NTN4: variants seen among roughly 807,000 people sequenced by gnomAD.
The protein encoded by NTN4 is netrin-4.
A neutral mutation model predicts 73.6 loss-of-function variants in NTN4; 32 were observed. The observed-to-expected ratio is 0.44, with a 90% CI of 0.33 to 0.58. NTN4 has a LOEUF of 0.58. NTN4 is among the 20% of genes least tolerant of loss of function. The pLI is 0.04. For missense variants in NTN4, 654 were observed against 798.3 expected (o/e 0.82, Z 2.18); for synonymous variants, 258 against 287.5 (o/e 0.90, Z 1.04).
chr12:95,778,044 C>T (rs1312145885), intron 2 of NTN4, among the ~76,000 whole-genome samples: 2 of 152,136 alleles, frequency 1.3e-5, no homozygotes, highest in Non-Finnish European at 2.9e-5. Flanking sequence ...AACTGAACAA[C>T]CTGTTCCTGA....
intron 1 of NTN4, among the ~76,000 whole-genome samples, chr12:95,788,276 G>A (rs1343016611): frequency 6.6e-6 from 1 of 152,206 alleles, no homozygotes; most frequent in Non-Finnish European, 1.5e-5. Flanking sequence ...ACAGGAGAGT[G>A]TCTACAGTCT....
chr12:95,752,877 T>C (rs1448232524), intron 2 of NTN4, among the ~76,000 whole-genome samples: 1 of 152,236 alleles, frequency 6.6e-6, no homozygotes, highest in Non-Finnish European at 1.5e-5. Context: ...CAACTCACTC[T>C]CTACATTTCT....
chr12:95,773,787 CTTTA>C (rs2079073598), intron 2 of NTN4, among the ~76,000 whole-genome samples: 1 of 152,136 alleles, frequency 6.6e-6, no homozygotes, highest in African/African-American at 2.4e-5. Flanking sequence ...TACTTATTTA[CTTTA>C]TTTAGCACCT....
chr12:95,741,471 A>ATATC (rs1375511773), intron 2 of NTN4, among the ~76,000 whole-genome samples: 54 of 99,830 alleles, frequency 5.4e-4, no homozygotes, highest in Non-Finnish European at 3.7e-4. Context: ...ATATATATAT[A>ATATC]TATCTCCTCC....
chr12:95,713,467 T>C (rs191578498), intron 3 of NTN4, 129 bp from the exon 4 acceptor site: 1 of 1,070,266 alleles, frequency 9.3e-7, no homozygotes, highest in East Asian at 2.6e-5. Flanking sequence ...CTGAAGAAGT[T>C]AGCCATCAAG....
At chr12:95,692,658 T>C (rs1203122756) in intron 5 of NTN4, among the ~76,000 whole-genome samples, 4 of 152,208 alleles carry the variant, frequency 2.6e-5, no homozygotes, top group African/African-American at 9.6e-5. Flanking sequence ...ATCTTGTGTG[T>C]GCATAAGGCT....
intron 5 of NTN4, among the ~76,000 whole-genome samples, chr12:95,708,758 C>T (rs546789857): frequency 1.2e-4 from 19 of 152,084 alleles, no homozygotes; most frequent in Admixed American, 3.3e-4. Context: ...TGTGCCATCT[C>T]TTTTATCTTA....
intron 2 of NTN4, among the ~76,000 whole-genome samples, chr12:95,741,443 A>ATATT (rs2078824599): frequency 9.6e-6 from 1 of 104,470 alleles, no homozygotes; most frequent in African/African-American, 4.9e-5. Flanking sequence ...ATATATATAT[A>ATATT]TATATATATA....
intron 3 of NTN4, 58 bp downstream of exon 3, chr12:95,737,808 C>T: frequency 6.5e-7 from 1 of 1,548,188 alleles, no homozygotes; most frequent in Admixed American, 1.8e-5. Flanking sequence ...CAACCAATGC[C>T]CAAAGCTGAA....
intron 9 of NTN4, among the ~76,000 whole-genome samples, chr12:95,665,449 T>G (rs1051435485): frequency 6.6e-6 from 1 of 152,196 alleles, no homozygotes; most frequent in African/African-American, 2.4e-5. Context: ...TGAACTTCCT[T>G]TGGGAACAGG....
At chr12:95,682,868 G>C in intron 6 of NTN4, 46 bp from the exon 7 acceptor site, 1 of 1,139,226 alleles carries the variant, frequency 8.8e-7, no homozygotes, top group Non-Finnish European at 1.3e-6. Context: ...GAATTTTTTA[G>C]AACTTGTATA....
intron 2 of NTN4, among the ~76,000 whole-genome samples, chr12:95,759,332 T>C (rs1172767040): frequency 6.6e-6 from 1 of 152,180 alleles, no homozygotes; most frequent in African/African-American, 2.4e-5. Context: ...ACTTGAATGT[T>C]AGACCACTTA....
In NTN4 at chr12:95,665,883, A is replaced by C. The variant is rs775919046; in HGVS notation, c.1677T>G (p.Ile559Met). 6.2e-7 allele frequency: 1 copy of C among 1,614,018 alleles called. No individual in the cohort carries two copies. The highest frequency in any genetic ancestry group is 8.5e-7 in the Non-Finnish European group (1 of 1,179,914). The change falls in exon 9 of 10, where the codon ATT (isoleucine) becomes ATG (methionine). Residue 559 changes from isoleucine to methionine, a missense_variant. Ile to Met is a conservative substitution (Grantham distance 10). Coordinates refer to ENST00000343702, the MANE Select transcript of NTN4 (RefSeq NM_021229.4). ...GATATAATGTTCGCTTTCCTCGGAA[A>C]ATCTTCAGTTTGGTAGATTTTAAGA... ...KKVLKSTKLK[I>M]FRGKRTLYPE...
At chr12:95,773,711 T>C (rs1022263774) in intron 2 of NTN4, among the ~76,000 whole-genome samples, 2 of 152,140 alleles carry the variant, frequency 1.3e-5, no homozygotes, top group African/African-American at 2.4e-5. Flanking sequence ...CTTCTCCCCA[T>C]AGCACCCATC....
At chr12:95,775,939 G>A (rs972522292) in intron 2 of NTN4, among the ~76,000 whole-genome samples, 7 of 152,204 alleles carry the variant, frequency 4.6e-5, no homozygotes, top group African/African-American at 1.7e-4. Context: ...AACTCACACG[G>A]CCGGGTACTC....
At chr12:95,790,939 T>A (rs866047145), upstream of NTN4, among the ~76,000 whole-genome samples, 1 of 41,464 alleles carries the variant, frequency 2.4e-5, no homozygotes, top group Admixed American at 2.7e-4. This position sits in a 1 kb window ranked among gnomAD's most constrained non-coding sequence, Gnocchi z 6.5. Flanking sequence ...GGGGGGGGGG[T>A]CCCCCGCGCC....
At chr12:95,735,229 GTTCTTTTTTC>G (rs67011582) in intron 3 of NTN4, among the ~76,000 whole-genome samples, 22,788 of 152,060 alleles carry the variant, frequency 0.15, 2,128 homozygotes, top group Non-Finnish European at 0.22. Context: ...TTGCTTATGG[GTTCTTTTTTC>G]TTCTTTTTTC....
At chr12:95,759,485 A>ATTTTT (rs748864733) in intron 2 of NTN4, among the ~76,000 whole-genome samples, 5 of 122,306 alleles carry the variant, frequency 4.1e-5, no homozygotes, top group African/African-American at 7.0e-5. Context: ...CCCTAGTAGT[A>ATTTTT]TTTTTGTTTT....
At chr12:95,703,016 C>A (rs1001973769) in intron 5 of NTN4, among the ~76,000 whole-genome samples, 2 of 152,000 alleles carry the variant, frequency 1.3e-5, no homozygotes, top group Non-Finnish European at 2.9e-5. Flanking sequence ...TGCCACCATG[C>A]CTGGCTAATT....
Sources: allele counts gnomAD v4.1 joint callset (sites outside exome capture counted in the v4.1 genomes callset), GRCh38; gene constraint gnomAD v4.1.1; non-coding constraint Gnocchi (gnomAD v3.1); transcripts MANE v1.5; gene names NCBI Gene and HGNC (gene_info 2026-07-23, HGNC 2026-07-21).